The following ZAN variants were observed in gnomAD, a reference collection of about 807,000 sequenced individuals.
ZAN encodes the protein zonadhesin (gene/pseudogene).
ZAN carries 260 observed loss-of-function variants against 286.2 expected under a neutral mutation model. The observed-to-expected ratio is 0.91, with a 90% CI of 0.82 to 1.01. The LOEUF (loss-of-function observed/expected upper bound fraction) is 1.01. ZAN is among the 50% of genes least tolerant of loss of function. ZAN has a pLI of 0.00. For synonymous variants in ZAN, 1,368 were observed against 1,417.5 expected (o/e 0.97, Z 0.79); for missense variants, 3,410 against 3,639.2 (o/e 0.94, Z 1.62).
Position 100,737,069 on chromosome 7 carries a change from C to T in ZAN, c.514C>T (p.Leu172=), listed in dbSNP as rs1209053674. The change falls in exon 5 of 48, where the codon CTG becomes TTG. Residue 172 remains leucine (L), a synonymous_variant. Transcript: ENST00000613979. ...CGTCACTGTGCCCGCAGGGTTCACC[C>T]TGCCCACCCGGGTAAGGCCGGGGAC... is the stretch of plus-strand genomic sequence containing the variant. ...TTVTVPAGFT[L]PTRLMFEGTR... 2.7e-6 allele frequency: 4 copies of T among 1,495,094 alleles called. No individual in the cohort carries two copies. Among genetic ancestry groups the T allele is most frequent in the South Asian group, 1.2e-5 (1 of 85,438 alleles). 92.6% of individuals were successfully genotyped at this position (1,495,094 alleles called of 1,614,324 possible). A position where few individuals can be genotyped will look rare whatever the true frequency, so the allele number is the denominator to read the frequency against.
In ZAN at chr7:100,752,091, C is replaced by T; in HGVS notation, c.1986C>T (p.Thr662=). ...CCACCGTCCCCACAGAAGAGCCCAC[C>T]ACCCCCACTGAGGAGACCACCACCT... ...EKPTVPTEEP[T]TPTEETTTSM... The change falls in exon 14 of 48, where the codon ACC becomes ACT. Residue 662 remains threonine (T), a synonymous_variant. Coordinates refer to ENST00000613979, the MANE Select transcript of ZAN (RefSeq NM_003386.3). 1.2e-6 allele frequency: 2 copies of T among 1,612,726 alleles called. No individual in the cohort carries two copies. Among genetic ancestry groups the T allele is most frequent in the Non-Finnish European group, 1.7e-6 (2 of 1,179,662 alleles).
Position 100,767,841 on chromosome 7 carries a change from A to G in ZAN, c.4871A>G (p.His1624Arg). 3 of 1,612,878 alleles carry G rather than the reference A, an allele frequency of 1.9e-6. No homozygotes were observed. The highest frequency in any genetic ancestry group is 8.5e-7 in the Non-Finnish European group (1 of 1,179,550). Residue 1624 changes from histidine to arginine, a missense_variant, in exon 26 of 48, where the codon CAT becomes CGT. His to Arg is a conservative substitution (Grantham distance 29). Around this residue, in one of 7 missense-constraint regions of ZAN, gnomAD observed 1,042 missense variants for 1,058.0 expected, o/e 0.98. Transcript: ENST00000613979. Reference protein sequence around the residue: ...LRGCKVMLNGHRVALPVWLAQ... With the variant: ...LRGCKVMLNGRRVALPVWLAQ... ...TCCCTGCCTCTGCAGCTGAATGGCC[A>G]TCGGGTGGCCCTACCTGTGTGGCTT...
Position 100,745,554 on chromosome 7 carries a change from C to A in ZAN, c.767-984C>A, listed in dbSNP as rs753615614. 5.9e-5 allele frequency among the ~76,000 whole-genome samples: 9 copies of A among 151,506 alleles called. 1 individual carries two copies. The highest frequency in any genetic ancestry group is 9.7e-5 in the African/African-American group (4 of 41,112). ...TGTGTCAGAGCCGCTGTATCTCTCG[C>A]CAGTTTGCGTGAATAGGTTATGTCC... On this transcript the variant is annotated intron_variant, in intron 7 of 47. Coordinates refer to ENST00000613979, the MANE Select transcript of ZAN (RefSeq NM_003386.3).
At chr7:100,745,713 G>A (rs1484152514) in intron 7 of ZAN, among the ~76,000 whole-genome samples, 1 of 142,680 alleles carries the variant, frequency 7.0e-6, no homozygotes, top group Non-Finnish European at 1.5e-5. Context: ...TCGTGAGACC[G>A]CCCATCTCTT....
chr7:100,783,771 T>TATATATATACAC (rs2116255294), intron 35 of ZAN, among the ~76,000 whole-genome samples: 1 of 25,046 alleles, frequency 4.0e-5, no homozygotes, highest in East Asian at 2.3e-3. Flanking sequence ...AAAATATATA[T>TATATATATACAC]ATATATATAT....
At chr7:100,780,029 A>C (rs1021626629) in intron 35 of ZAN, among the ~76,000 whole-genome samples, 11 of 151,754 alleles carry the variant, frequency 7.2e-5, no homozygotes, top group Non-Finnish European at 1.6e-4. Flanking sequence ...ACCCCATCCT[A>C]CTAAAAATAC....
At chr7:100,789,183 C>A in intron 38 of ZAN, 35 bp from the exon 39 acceptor site, 1 of 1,604,250 alleles carries the variant, frequency 6.2e-7, no homozygotes, top group South Asian at 1.1e-5. Context: ...CAGGAGGATT[C>A]AGCCCTGTCT....
At chr7:100,793,496 G>C (rs951755298) in intron 42 of ZAN, among the ~76,000 whole-genome samples, 3 of 152,098 alleles carry the variant, frequency 2.0e-5, no homozygotes, top group Non-Finnish European at 4.4e-5. Flanking sequence ...CTGGAGTGCA[G>C]TGGCATGATC....
chr7:100,776,003 T>A (rs1810756413), intron 33 of ZAN, among the ~76,000 whole-genome samples, 170 bp downstream of exon 33: 1 of 151,688 alleles, frequency 6.6e-6, no homozygotes, highest in South Asian at 2.1e-4. Context: ...ACAAGAGTGT[T>A]TCCAGGAAAA....
In ZAN at chr7:100,746,587, A is replaced by T; in HGVS notation, c.816A>T (p.Lys272Asn). The change falls in exon 8 of 48, where the codon AAA becomes AAT. Residue 272 changes from lysine (K) to asparagine (N), a missense_variant. Lys to Asn is a moderately conservative substitution (Grantham distance 94). Transcript: ENST00000613979. ...LDPKNARPGQ[K>N]AVLLSPVSLS... ...CCAAGAATGCAAGACCTGGGCAGAAAGCTGTCCTCCTGAGCCCCGTGAGCC... is the reference window on the plus strand; with the variant it reads ...CCAAGAATGCAAGACCTGGGCAGAATGCTGTCCTCCTGAGCCCCGTGAGCC... 1 of 1,613,928 alleles carries T rather than the reference A, an allele frequency of 6.2e-7. No individual in the cohort carries two copies. Among genetic ancestry groups the T allele is most frequent in the Non-Finnish European group, 8.5e-7 (1 of 1,179,884 alleles).
At chr7:100,765,619 C>T (rs2116028833) in intron 23 of ZAN, 65 bp downstream of exon 23, 1 of 1,483,608 alleles carries the variant, frequency 6.7e-7, no homozygotes, top group East Asian at 2.5e-5. Flanking sequence ...CTCTCACACC[C>T]CCTGCAAGCT....
At position 100,793,845 on chromosome 7, in the gene ZAN, A is replaced by C; in HGVS notation, c.7813A>C (p.Ile2605Leu). The C allele has an allele frequency of 6.2e-7, 1 of 1,608,774 alleles. No individual in the cohort carries two copies. Among genetic ancestry groups the C allele is most frequent in the Non-Finnish European group, 8.5e-7 (1 of 1,176,598 alleles). Residue 2605 changes from isoleucine to leucine, a missense_variant, in exon 43 of 48, where the codon ATA (isoleucine) becomes CTA (leucine). This residue lies in a region of ZAN where 1,289 missense variants were observed against 1,314.3 expected (regional missense o/e 0.98). Coordinates refer to ENST00000613979, the MANE Select transcript of ZAN (RefSeq NM_003386.3). ...SGHGVSSRYHISELYDTLPSI... is the reference protein window; with the variant it reads ...SGHGVSSRYHLSELYDTLPSI... Reference sequence around the variant, plus strand: ...CCATGGAGTGTCCAGCAGGTACCATATATCAGAGCTGTATGACACCCTGCC... The same window carrying C: ...CCATGGAGTGTCCAGCAGGTACCATCTATCAGAGCTGTATGACACCCTGCC...
At chr7:100,793,166 C>T (rs1390563440) in intron 42 of ZAN, among the ~76,000 whole-genome samples, 3 of 151,182 alleles carry the variant, frequency 2.0e-5, no homozygotes, top group Admixed American at 6.6e-5. Context: ...AGTGAGACCC[C>T]ATCTCTATAA....
Position 100,788,052 on chromosome 7 carries a change from G to A in ZAN, c.7143G>A (p.Pro2381=). 2 of 1,564,726 alleles carry A rather than the reference G, an allele frequency of 1.3e-6. No homozygotes were observed. Among genetic ancestry groups the A allele is most frequent in the Non-Finnish European group, 1.7e-6 (2 of 1,146,870 alleles). Residue 2381 remains proline (P), a synonymous_variant, in exon 38 of 48, where the codon CCG becomes CCA. Coordinates refer to ENST00000613979, the MANE Select transcript of ZAN (RefSeq NM_003386.3). ...TGGAAGGACGCAACAAGATGGATCC[G>A]CCCAGGAGCTCCATCTTCTTGCAGG... ...LLVEGRNKMD[P]PRSSIFLQEV...
rs1475605521 is a variant in ZAN, at chr7:100,751,885, C to T, written c.1780C>T (p.Pro594Ser). 6.2e-7 allele frequency: 1 copy of T among 1,613,310 alleles called. No homozygotes were observed. Among genetic ancestry groups the T allele is most frequent in the Non-Finnish European group, 8.5e-7 (1 of 1,179,804 alleles). Residue 594 changes from proline (P) to serine (S), a missense_variant, in exon 14 of 48, where the codon CCC (proline) becomes TCC (serine). Transcript: ENST00000613979. ...AGTCCCCAAAGAAAAGCCCACCATT[C>T]CCACAGAAAAACCCACCATCTCCAC... ...PTVPKEKPTI[P>S]TEKPTISTEK...
chr7:100,764,930 C>T (rs1004143873), intron 22 of ZAN, among the ~76,000 whole-genome samples: 8 of 152,198 alleles, frequency 5.3e-5, no homozygotes, highest in Admixed American at 2.6e-4. Flanking sequence ...CGCAGGCACA[C>T]GGTACAGGCC....
Position 100,784,614 on chromosome 7 carries a change from C to A in ZAN, c.6623-9C>A. The A allele has an allele frequency of 6.2e-7, 1 of 1,613,162 alleles. No homozygotes were observed. The highest frequency in any genetic ancestry group is 8.5e-7 in the Non-Finnish European group (1 of 1,179,670). ...CTCTCCACTGACCCACTGTCTCCTT[C>A]ACCCACAGCTCTGGAATGCCCTGCC... On this transcript the variant is annotated splice_polypyrimidine_tract_variant and intron_variant, in intron 35 of 47. Transcript: ENST00000613979.
chr7:100,757,813 G>T (rs62483595), intron 15 of ZAN, among the ~76,000 whole-genome samples: 25 of 148,668 alleles, frequency 1.7e-4, no homozygotes, highest in Admixed American at 1.4e-3. Context: ...AGTGGCTCAC[G>T]CCTGTAATAC....
Position 100,779,992 on chromosome 7 carries a change from C to T in ZAN, c.6622+242C>T, listed in dbSNP as rs372944071. 4.2e-3 allele frequency among the ~76,000 whole-genome samples: 646 copies of T among 152,120 alleles called. 9 individuals carry two copies. The highest frequency in any genetic ancestry group is 0.015 in the African/African-American group (620 of 41,500). On this transcript the variant is annotated intron_variant, in intron 35 of 47. Transcript: ENST00000613979. ...GGTGGATCACCTGAGGTCAGGAGTT[C>T]GAGACCAGCCTGGCCAACATGGTGA... is the stretch of plus-strand genomic sequence containing the variant.
Sources: allele counts gnomAD v4.1 joint callset (sites outside exome capture counted in the v4.1 genomes callset), GRCh38; gene constraint gnomAD v4.1.1; regional missense constraint gnomAD v4.1.1; transcripts MANE v1.5; gene names NCBI Gene and HGNC (gene_info 2026-07-23, HGNC 2026-07-21).